Variants in RUFY3 observed in about 807,000 individuals in gnomAD.
The protein encoded by RUFY3 is RUN and FYVE domain containing 3, also known as protein RUFY3.
Under a neutral mutation model 84.0 loss-of-function variants are expected in RUFY3, and 34 were observed. That is an observed-to-expected ratio of 0.40 (90% CI 0.31 to 0.54). RUFY3 has a LOEUF of 0.54. Ranked by LOEUF, RUFY3 falls within the 20% of genes least tolerant of loss-of-function variation. The probability of loss-of-function intolerance (pLI) is 0.39; values close to 1 mark genes in which losing one functional copy is unlikely to be tolerated. For missense variants in RUFY3, 507 were observed against 736.8 expected, an observed-to-expected ratio of 0.69 and a Z score of 3.61; for synonymous variants, 242 against 252.9, an observed-to-expected ratio of 0.96 and a Z score of 0.41.
At chr4:70,781,492 G>C (rs1198555784) in intron 8 of RUFY3, among the ~76,000 whole-genome samples, 3 of 152,070 alleles carry the variant, frequency 2.0e-5, no homozygotes, top group Admixed American at 1.3e-4. Context: ...TAAATAAATA[G>C]ATAAATAAAT....
At chr4:70,783,226 C>A in intron 9 of RUFY3, 43 bp downstream of exon 9, 2 of 1,283,874 alleles carry the variant, frequency 1.6e-6, no homozygotes, top group Non-Finnish European at 2.3e-6. Flanking sequence ...GAGAGCATAT[C>A]AACTTGTTAG....
exon 1 of RUFY3, chr4:70,705,197 C>T: frequency 6.8e-7 from 1 of 1,462,388 alleles, no homozygotes; most frequent in Non-Finnish European, 9.0e-7. Flanking sequence ...AGCAGCAGCG[C>T]TCCTGGAGGA....
At chr4:70,751,000 A>G (rs1283216838) in intron 1 of RUFY3, among the ~76,000 whole-genome samples, 2 of 152,066 alleles carry the variant, frequency 1.3e-5, no homozygotes, top group Non-Finnish European at 1.5e-5. Context: ...GGCTTGTTTC[A>G]CTTTGGGGCA....
At chr4:70,789,623 T>C in intron 12 of RUFY3, 31 bp downstream of exon 12, 1 of 1,605,794 alleles carries the variant, frequency 6.2e-7, no homozygotes, top group Non-Finnish European at 8.5e-7. Flanking sequence ...ATGAAACACT[T>C]TGGATTGTCA....
chr4:70,742,828 C>G (rs1158661787), intron 1 of RUFY3, among the ~76,000 whole-genome samples: 1 of 152,130 alleles, frequency 6.6e-6, no homozygotes, highest in African/African-American at 2.4e-5. Flanking sequence ...TGTTTCAGCC[C>G]TTGCCTTTGA....
intron 1 of RUFY3, among the ~76,000 whole-genome samples, chr4:70,733,811 A>G (rs1719849464): frequency 6.6e-6 from 1 of 152,208 alleles, no homozygotes; most frequent in Non-Finnish European, 1.5e-5. Context: ...ATCTCTGGAT[A>G]GTGGAATTAT....
At chr4:70,757,698 G>A (rs1219652568) in intron 1 of RUFY3, among the ~76,000 whole-genome samples, 2 of 152,188 alleles carry the variant, frequency 1.3e-5, no homozygotes, top group Non-Finnish European at 2.9e-5. Flanking sequence ...AATTTCAGGT[G>A]TTTGCTGTAC....
At chr4:70,718,876 C>G, upstream of RUFY3, among the ~76,000 whole-genome samples, 1 of 150,390 alleles carries the variant, frequency 6.6e-6, no homozygotes, top group East Asian at 1.9e-4. Context: ...CCACCACGCC[C>G]AGCTAATTTT....
intron 1 of RUFY3, among the ~76,000 whole-genome samples, chr4:70,713,303 G>A (rs112025390): frequency 0.011 from 1,725 of 152,298 alleles, 38 homozygotes; most frequent in African/African-American, 0.039. Context: ...GATTACAGGC[G>A]TGAGCCACCA....
At chr4:70,775,944 C>CAAAAAAAAAAA (rs11369578) in intron 7 of RUFY3, among the ~76,000 whole-genome samples, 4 of 132,276 alleles carry the variant, frequency 3.0e-5, no homozygotes, top group South Asian at 2.3e-4. Context: ...CTGTCTTAAA[C>CAAAAAAAAAAA]AAAAAAAAAA....
chr4:70,704,920 C>T, exon 1 of RUFY3: 2 of 1,209,036 alleles, frequency 1.7e-6, no homozygotes, highest in African/African-American at 1.6e-5. Context: ...GAGGCTGCGG[C>T]GAAGGAAGGA....
At chr4:70,764,776 A>G (rs1018727039) in intron 4 of RUFY3, among the ~76,000 whole-genome samples, 200 bp downstream of exon 4, 2 of 152,228 alleles carry the variant, frequency 1.3e-5, no homozygotes, top group East Asian at 3.8e-4. Flanking sequence ...TCACTGTGGC[A>G]TATATTGGTC....
chr4:70,745,795 TG>T (rs1242091130), intron 1 of RUFY3, among the ~76,000 whole-genome samples: 1 of 152,132 alleles, frequency 6.6e-6, no homozygotes, highest in Non-Finnish European at 1.5e-5. Flanking sequence ...TAAACAAAAT[TG>T]TTATAATGGC....
intron 1 of RUFY3, among the ~76,000 whole-genome samples, chr4:70,709,121 G>A (rs1271090279): frequency 6.6e-6 from 1 of 152,196 alleles, no homozygotes; most frequent in Non-Finnish European, 1.5e-5. Flanking sequence ...GAATTGTTTT[G>A]TTCCAAAATC....
chr4:70,762,170 G>A (rs542024090), intron 1 of RUFY3, among the ~76,000 whole-genome samples: 2 of 152,286 alleles, frequency 1.3e-5, no homozygotes, highest in Admixed American at 1.3e-4. Context: ...ACAAAAATTA[G>A]CCAGTGTGAT....
chr4:70,764,750 A>G (rs1156892733), intron 4 of RUFY3, among the ~76,000 whole-genome samples, 174 bp downstream of exon 4: 1 of 152,202 alleles, frequency 6.6e-6, no homozygotes, highest in Non-Finnish European at 1.5e-5. Context: ...GATTTATGTT[A>G]TGTGTGTTCT....
chr4:70,745,383 C>T lies in RUFY3; in HGVS notation c.179-17136C>T, dbSNP rs1722037401. ...ATATTGCATCTCCTTTCCTTATATG[C>T]TAGTAATTTGTGTCTAAAATGTTTT... On this transcript the variant is annotated intron_variant, in intron 1 of 17. Transcript: ENST00000381006. Among the ~76,000 whole-genome samples, 3 of 152,110 alleles carry T rather than the reference C, an allele frequency of 2.0e-5. No homozygotes were observed. The South Asian group carries it at 6.2e-4, about 32-fold the overall frequency.
intron 16 of RUFY3, 26 bp from the exon 17 acceptor site, chr4:70,804,322 A>G (rs557354502): frequency 6.2e-7 from 1 of 1,610,584 alleles, no homozygotes; most frequent in Non-Finnish European, 8.5e-7. Context: ...ACTAAGAAAA[A>G]CTAACCAGCT....
chr4:70,802,855 G>A, intron 15 of RUFY3, 101 bp from the exon 16 acceptor site: 1 of 811,598 alleles, frequency 1.2e-6, no homozygotes, highest in South Asian at 1.8e-5. Flanking sequence ...AGTATTTCTT[G>A]TTTGAAAAAA....
Sources: allele counts gnomAD v4.1 joint callset (sites outside exome capture counted in the v4.1 genomes callset), GRCh38; gene constraint gnomAD v4.1.1; transcripts MANE v1.5; gene names NCBI Gene and HGNC (gene_info 2026-07-23, HGNC 2026-07-21).